ZNF704: variants seen among roughly 807,000 people sequenced by gnomAD.
ZNF704 encodes the protein zinc finger protein 704, also known as glucocorticoid induced gene 1.
A neutral mutation model predicts 44.7 loss-of-function variants in ZNF704; 10 were observed. That is an observed-to-expected ratio of 0.22 (90% CI 0.14 to 0.38). ZNF704 has a LOEUF of 0.38. Ranked by LOEUF, ZNF704 falls within the 10% of genes least tolerant of loss-of-function variation. The pLI is 1.00. For synonymous variants in ZNF704, 211 were observed against 207.6 expected, an observed-to-expected ratio of 1.02 and a Z score of -0.14; for missense variants, 390 against 545.5, an observed-to-expected ratio of 0.71 and a Z score of 2.84.
At chr8:80,749,532 A>G (rs940845411) in intron 2 of ZNF704, 2 of 153,232 alleles carry the variant, frequency 1.3e-5, no homozygotes, top group Non-Finnish European at 2.9e-5. Context: ...ACATGACCAG[A>G]GCTGCAACCT....
chr8:80,688,467 T>C (rs1372564981), intron 3 of ZNF704, among the ~76,000 whole-genome samples: 1 of 152,180 alleles, frequency 6.6e-6, no homozygotes, highest in Non-Finnish European at 1.5e-5. Context: ...TATCCCAGTT[T>C]TATAGATGAG....
chr8:80,825,808 C>G (rs180865051), intron 1 of ZNF704, among the ~76,000 whole-genome samples: 1 of 152,162 alleles, frequency 6.6e-6, no homozygotes, highest in Non-Finnish European at 1.5e-5. Context: ...AAACTGAACA[C>G]CCTGCTCCTG....
intron 2 of ZNF704, among the ~76,000 whole-genome samples, chr8:80,706,148 T>C (rs577240459): frequency 1.3e-5 from 2 of 152,322 alleles, no homozygotes; most frequent in South Asian, 2.1e-4. Context: ...TCTGTGTCCA[T>C]TTTGAGTCAT....
At chr8:80,843,854 C>A (rs755555364) in intron 1 of ZNF704, among the ~76,000 whole-genome samples, 1 of 152,000 alleles carries the variant, frequency 6.6e-6, no homozygotes, top group African/African-American at 2.4e-5. Context: ...TTGAAAAGAG[C>A]ATTCGCTTGA....
At chr8:80,853,435 C>T (rs1457333004) in intron 1 of ZNF704, among the ~76,000 whole-genome samples, 2 of 151,558 alleles carry the variant, frequency 1.3e-5, no homozygotes, top group African/African-American at 4.8e-5. Context: ...TTTTTCTTTC[C>T]AGGACTTTAA....
intron 7 of ZNF704, chr8:80,644,881 G>A (rs1817802391): frequency 1.3e-6 from 1 of 776,022 alleles, no homozygotes; most frequent in Admixed American, 2.0e-5. Context: ...AAAGATGTTA[G>A]GAAGTAAGGA....
intron 2 of ZNF704, among the ~76,000 whole-genome samples, chr8:80,738,684 G>A (rs565369743): frequency 1.8e-4 from 27 of 152,122 alleles, no homozygotes; most frequent in African/African-American, 6.3e-4. Flanking sequence ...AGTAGAAACG[G>A]CAATACAGAG....
intron 1 of ZNF704, among the ~76,000 whole-genome samples, chr8:80,827,727 T>A (rs979245864): frequency 6.6e-6 from 1 of 152,080 alleles, no homozygotes; most frequent in African/African-American, 2.4e-5. Flanking sequence ...AACAGAGATA[T>A]AGACCAATGG....
At chr8:80,707,347 A>G (rs1818914330) in intron 2 of ZNF704, among the ~76,000 whole-genome samples, 1 of 152,252 alleles carries the variant, frequency 6.6e-6, no homozygotes, top group African/African-American at 2.4e-5. Context: ...TTCCTTTATA[A>G]TATAGAGGTG....
chr8:80,723,622 C>T (rs1806414733), intron 2 of ZNF704, among the ~76,000 whole-genome samples: 1 of 152,006 alleles, frequency 6.6e-6, no homozygotes, highest in Non-Finnish European at 1.5e-5. Context: ...ATTTAGATTC[C>T]ACTGGATAAC....
Position 80,742,981 on chromosome 8 carries a change from C to T in ZNF704, c.222-49874G>A, listed in dbSNP as rs919737884. On this transcript the variant is annotated intron_variant, in intron 2 of 8. Coordinates refer to ENST00000327835, the MANE Select transcript of ZNF704 (RefSeq NM_001033723.3). ...GCAACTTAGCTCACACCCAACCAAT[C>T]AAGTAGTAAAGAGAGCTCACTAAAA... Among the ~76,000 whole-genome samples, 17 of 152,128 alleles carry T rather than the reference C, an allele frequency of 1.1e-4. No individual in the cohort carries two copies. In the Middle Eastern group the frequency reaches 0.01, roughly 91 times the overall value.
chr8:80,869,425 T>C (rs1809211730), intron 1 of ZNF704, among the ~76,000 whole-genome samples: 1 of 152,220 alleles, frequency 6.6e-6, no homozygotes. Flanking sequence ...TTCTGCTACA[T>C]GGAGAAAACA....
At chr8:80,825,642 T>A (rs1365954696) in intron 1 of ZNF704, among the ~76,000 whole-genome samples, 1 of 152,288 alleles carries the variant, frequency 6.6e-6, no homozygotes, top group South Asian at 2.1e-4. Flanking sequence ...AGCACCACAC[T>A]GCACTTATTC....
In ZNF704 at chr8:80,836,555, A is replaced by G. The variant is rs559521774; in HGVS notation, c.-21-14940T>C. On this transcript the variant is annotated intron_variant, in intron 1 of 8. Transcript: ENST00000327835. ...CACTTTGGGAGGCTGAGGCAGGTGG[A>G]TCACTTGAGCTCAAGAGTCAAGACC... 2.0e-5 allele frequency among the ~76,000 whole-genome samples: 3 copies of G among 152,272 alleles called. No individual in the cohort carries two copies. In the South Asian group the frequency reaches 6.2e-4, roughly 32 times the overall value.
chr8:80,708,890 T>A (rs1173958605), intron 2 of ZNF704, among the ~76,000 whole-genome samples: 2 of 152,192 alleles, frequency 1.3e-5, no homozygotes, highest in Non-Finnish European at 2.9e-5. Flanking sequence ...AAATCAACTT[T>A]CCACATACTT....
At chr8:80,715,439 G>A (rs1819057917) in intron 2 of ZNF704, among the ~76,000 whole-genome samples, 1 of 152,214 alleles carries the variant, frequency 6.6e-6, no homozygotes, top group African/African-American at 2.4e-5. Context: ...CTTATTTATG[G>A]CAGTGGTTTT....
chr8:80,645,162 T>A (rs1478982794), intron 7 of ZNF704: 75 of 1,599,400 alleles, frequency 4.7e-5, no homozygotes, highest in Non-Finnish European at 6.2e-5. Context: ...GTAAATTTGT[T>A]TGTGCGACAT....
intron 6 of ZNF704, among the ~76,000 whole-genome samples, chr8:80,661,819 T>C (rs956767226): frequency 1.3e-5 from 2 of 152,102 alleles, no homozygotes; most frequent in African/African-American, 2.4e-5. Flanking sequence ...GGGAGAGATG[T>C]TGGTTAGTAG....
At chr8:80,839,742 T>C (rs1808644552) in intron 1 of ZNF704, among the ~76,000 whole-genome samples, 1 of 152,094 alleles carries the variant, frequency 6.6e-6, no homozygotes, top group African/African-American at 2.4e-5. Context: ...AGGGGGACCT[T>C]AAGATAAAAA....
Sources: allele counts gnomAD v4.1 joint callset (sites outside exome capture counted in the v4.1 genomes callset), GRCh38; gene constraint gnomAD v4.1.1; transcripts MANE v1.5; gene names NCBI Gene and HGNC (gene_info 2026-07-23, HGNC 2026-07-21).